The following CPEB2 variants were observed in gnomAD, a reference collection of about 807,000 sequenced individuals.
CPEB2 encodes cytoplasmic polyadenylation element binding protein 2.
Under a neutral mutation model 93.6 loss-of-function variants are expected in CPEB2, and 56 were observed. The observed-to-expected ratio is 0.60, with a 90% CI of 0.48 to 0.75. CPEB2 has a LOEUF of 0.75. Ranked by LOEUF, CPEB2 falls within the 30% of genes least tolerant of loss-of-function variation. The probability of loss-of-function intolerance (pLI) is 0.00; values close to 1 mark genes in which losing one functional copy is unlikely to be tolerated. For missense variants in CPEB2, 1,579 were observed against 1,395.1 expected (o/e 1.13, Z -2.10); for synonymous variants, 764 against 586.3 (o/e 1.30, Z -4.38).
In CPEB2 at chr4:15,003,938, C is replaced by T. The variant is rs1052878736; in HGVS notation, c.1265C>T (p.Ser422Leu). 54 of 1,180,070 alleles carry T rather than the reference C, an allele frequency of 4.6e-5. No homozygotes were observed. The highest frequency in any genetic ancestry group is 6.5e-5 in the African/African-American group (4 of 61,222). The allele number at this position is 1,180,070 out of a possible 1,614,324, so 73.1% of individuals were successfully genotyped here. ...PPQPQPQPPG[S>L]SATTPGGGSG... ...CAGCCGCAGCCGCAGCCGCCCGGCT[C>T]GTCTGCCACCACCCCGGGCGGCGGC... Residue 422 changes from serine to leucine, a missense_variant, in exon 1 of 12, where the codon TCG (serine) becomes TTG (leucine). This residue lies in a region of CPEB2 where 1,411 missense variants were observed against 1,056.0 expected (regional missense o/e 1.34). Transcript: ENST00000538197.
intron 6 of CPEB2, among the ~76,000 whole-genome samples, chr4:15,044,790 C>A (rs550963211): frequency 1.3e-5 from 2 of 152,092 alleles, no homozygotes; most frequent in Non-Finnish European, 2.9e-5. Context: ...TAGTAACCAC[C>A]TATAACTTCT....
At chr4:15,007,187 T>C (rs1722931102) in intron 1 of CPEB2, 118 bp from the exon 2 acceptor site, 1 of 753,126 alleles carries the variant, frequency 1.3e-6, no homozygotes, top group South Asian at 3.5e-5. Context: ...CTAGAAAAGA[T>C]GTATTCTTTT....
chr4:15,055,692 A>C (rs911138510), intron 8 of CPEB2, among the ~76,000 whole-genome samples: 4 of 152,012 alleles, frequency 2.6e-5, no homozygotes, highest in Non-Finnish European at 5.9e-5. Flanking sequence ...GGTTTCTCTT[A>C]TTTTTAGGAT....
rs987885629 is a variant in CPEB2, at chr4:15,003,285, C to T, written c.612C>T (p.Cys204=). 6.6e-7 allele frequency: 1 copy of T among 1,513,754 alleles called. No homozygotes were observed. The highest frequency in any genetic ancestry group is 8.8e-7 in the Non-Finnish European group (1 of 1,138,356). 93.8% of individuals were successfully genotyped at this position (1,513,754 alleles called of 1,614,324 possible). ...KPPPPPPPLH[C]PGRFSPPPPP... ...CGCCGCCGCCTCCGCCGCTCCACTG[C>T]CCCGGTCGGTTCAGCCCGCCGCCGC... Residue 204 remains cysteine (C), a synonymous_variant, in exon 1 of 12, where the codon TGC becomes TGT. Transcript: ENST00000538197.
At chr4:15,048,743 G>A (rs960906506) in intron 6 of CPEB2, among the ~76,000 whole-genome samples, 2 of 152,004 alleles carry the variant, frequency 1.3e-5, no homozygotes, top group South Asian at 4.1e-4. Flanking sequence ...CCAGCAAAAT[G>A]AATTTGTTGT....
intron 4 of CPEB2, among the ~76,000 whole-genome samples, chr4:15,021,324 TTAAAG>T (rs1724789389): frequency 6.6e-6 from 1 of 152,202 alleles, no homozygotes; most frequent in Non-Finnish European, 1.5e-5. Context: ...CTTTAAATGG[TTAAAG>T]TAAATCATGC....
At chr4:15,041,570 A>T (rs925407624) in intron 6 of CPEB2, among the ~76,000 whole-genome samples, 2 of 151,738 alleles carry the variant, frequency 1.3e-5, no homozygotes, top group African/African-American at 4.8e-5. Flanking sequence ...ACCCAGCTAA[A>T]TTTTTTATTT....
At chr4:15,029,054 T>C (rs1340980029) in intron 4 of CPEB2, among the ~76,000 whole-genome samples, 1 of 152,056 alleles carries the variant, frequency 6.6e-6, no homozygotes, top group African/African-American at 2.4e-5. Flanking sequence ...AAGTCCCTTA[T>C]GTAAAATGAT....
At chr4:15,055,564 T>G (rs182069751) in intron 8 of CPEB2, among the ~76,000 whole-genome samples, 1 of 152,330 alleles carries the variant, frequency 6.6e-6, no homozygotes, top group Admixed American at 6.5e-5. Flanking sequence ...TTCAGCTGTC[T>G]TTCTAGTCTC....
chr4:15,026,760 A>G lies in CPEB2; in HGVS notation c.2126-6401A>G, dbSNP rs915633979. 2.6e-5 allele frequency among the ~76,000 whole-genome samples: 4 copies of G among 152,370 alleles called. No homozygotes were observed. In the East Asian group the frequency reaches 7.7e-4, roughly 29 times the overall value. On this transcript the variant is annotated intron_variant, in intron 4 of 11. Transcript: ENST00000538197. ...TCCTGTATATTGTATCTATACATGT[A>G]AAATAGTTTGTATAACCATTCTGGT...
intron 4 of CPEB2, among the ~76,000 whole-genome samples, chr4:15,027,207 T>C (rs1352328357): frequency 6.6e-6 from 1 of 152,174 alleles, no homozygotes; most frequent in Non-Finnish European, 1.5e-5. Flanking sequence ...TGTTCTTTGG[T>C]GTTTCTTGGT....
chr4:15,023,757 T>C (rs1725105429), intron 4 of CPEB2, among the ~76,000 whole-genome samples: 1 of 151,966 alleles, frequency 6.6e-6, no homozygotes, highest in Admixed American at 6.5e-5. Context: ...AGCTTTTTTT[T>C]TTTGAACTGA....
At chr4:15,019,204 C>T (rs901043494) in intron 4 of CPEB2, among the ~76,000 whole-genome samples, 3 of 151,232 alleles carry the variant, frequency 2.0e-5, no homozygotes, top group Non-Finnish European at 3.0e-5. Flanking sequence ...AGAAAAAAAT[C>T]GAGAAACTTT....
chr4:15,044,957 A>G (rs1487267507), intron 6 of CPEB2, among the ~76,000 whole-genome samples: 1 of 152,204 alleles, frequency 6.6e-6, no homozygotes, highest in Non-Finnish European at 1.5e-5. Flanking sequence ...TTAAAATTAT[A>G]CATTTTAGGT....
intron 4 of CPEB2, among the ~76,000 whole-genome samples, chr4:15,032,834 A>G (rs1726257373): frequency 6.6e-6 from 1 of 152,156 alleles, no homozygotes; most frequent in Admixed American, 6.6e-5. Flanking sequence ...CACATTTCAT[A>G]TTAAATTTGC....
At chr4:15,059,040 C>T in intron 9 of CPEB2, 147 bp from the exon 10 acceptor site, 1 of 514,044 alleles carries the variant, frequency 1.9e-6, no homozygotes, top group Non-Finnish European at 3.4e-6. Context: ...TCTAGATCAA[C>T]AAAAGTTATA....
rs111309547 is a variant in CPEB2 at position 15,065,749 on chromosome 4, C to T, written c.2878-404C>T. On this transcript the variant is annotated intron_variant, in intron 11 of 11. Transcript: ENST00000538197. ...TTTCCAAGCAGAGTGTGACTCGCAC[C>T]TGCAGTGGAGAGGCGCCGCCTTAAT... 3.9e-5 allele frequency among the ~76,000 whole-genome samples: 6 copies of T among 152,192 alleles called. 1 individual carries two copies. The highest frequency in any genetic ancestry group is 1.4e-4 in the African/African-American group (6 of 41,556).
At chr4:15,058,380 C>A in intron 8 of CPEB2, 41 bp from the exon 9 acceptor site, 2 of 1,170,352 alleles carry the variant, frequency 1.7e-6, no homozygotes, top group Non-Finnish European at 1.3e-6. Context: ...AGTAAAATCA[C>A]TTGGCTTGAC....
intron 6 of CPEB2, among the ~76,000 whole-genome samples, chr4:15,047,341 T>G (rs1051991041): frequency 1.3e-5 from 2 of 152,190 alleles, no homozygotes; most frequent in East Asian, 3.8e-4. Flanking sequence ...ATGGATTGTA[T>G]CCAGTCTGTA....
Sources: gnomAD v4.1 joint callset for allele counts (sites outside exome capture counted in the v4.1 genomes callset) on GRCh38, gnomAD v4.1.1 for gene constraint, gnomAD v4.1.1 regional missense constraint, MANE v1.5 for transcripts, NCBI Gene and HGNC (gene_info 2026-07-23, HGNC 2026-07-21) for gene names.